The following PTBP2 variants were observed in gnomAD, a reference collection of about 807,000 sequenced individuals.
The protein encoded by PTBP2 is polypyrimidine tract-binding protein 2.
Under a neutral mutation model 61.4 loss-of-function variants are expected in PTBP2, and 13 were observed. That is an observed-to-expected ratio of 0.21 (90% confidence interval 0.14 to 0.34). PTBP2 has a LOEUF of 0.34. Among genes scored for constraint, PTBP2 ranks in the 10% least tolerant of loss-of-function variants. The pLI is 1.00. For synonymous variants in PTBP2, 215 were observed against 218.5 expected, an observed-to-expected ratio of 0.98 and a Z score of 0.14; for missense variants, 405 against 642.6, an observed-to-expected ratio of 0.63 and a Z score of 4.00.
At chr1:96,760,354 T>C (rs1458268533) in intron 3 of PTBP2, among the ~76,000 whole-genome samples, 1 of 150,924 alleles carries the variant, frequency 6.6e-6, no homozygotes, top group Non-Finnish European at 1.5e-5. Context: ...TAAAATTAAA[T>C]AGATTGGCAA....
At chr1:96,804,233 TAAG>T (rs1047316660) in intron 8 of PTBP2, among the ~76,000 whole-genome samples, 2 of 152,338 alleles carry the variant, frequency 1.3e-5, no homozygotes, top group East Asian at 3.9e-4. Context: ...AGTGTATAAT[TAAG>T]AAGGCAAGCA....
chr1:96,737,110 G>A lies in PTBP2; in HGVS notation c.39+13516G>A, dbSNP rs1652316067. On this transcript the variant is annotated intron_variant, in intron 2 of 13. Transcript: ENST00000674951. ...TTCTCCTGCCTCAGCCTCCCGAGTA[G>A]CTGGGACTACAGGCGCCTGCCACCA... 2.6e-5 allele frequency among the ~76,000 whole-genome samples: 4 copies of A among 152,030 alleles called. No individual in the cohort carries two copies. The South Asian group carries it at 8.3e-4, about 32-fold the overall frequency.
exon 14 of PTBP2, chr1:96,820,523 G>A (rs1230459175): frequency 6.6e-6 from 1 of 152,046 alleles, no homozygotes; most frequent in African/African-American, 2.4e-5. Context: ...TATATATGGT[G>A]TGCACACATG....
intron 3 of PTBP2, among the ~76,000 whole-genome samples, chr1:96,765,919 TA>T (rs934016677): frequency 1.7e-4 from 26 of 152,236 alleles, no homozygotes; most frequent in African/African-American, 6.3e-4. Flanking sequence ...TTGAAGTTTT[TA>T]GGGGTGCTAT....
At chr1:96,742,320 AACAGGGAT>A (rs1653144792) in intron 2 of PTBP2, among the ~76,000 whole-genome samples, 2 of 152,220 alleles carry the variant, frequency 1.3e-5, no homozygotes, top group African/African-American at 4.8e-5. Flanking sequence ...GGGATGAGGG[AACAGGGAT>A]ACTTGGACTA....
rs57451223 is a variant in PTBP2 at position 96,761,346 on chromosome 1, ATGTGTGTGTGTG to A, written c.116-8325_116-8314del. ...AGCAGGGGCCTAGATGTGGGATTTG[ATGTGTGTGTGTG>A]TGTGTGTGTGTGTGTGTGTGTGTGT... On this transcript the variant is annotated intron_variant, in intron 3 of 13. Coordinates refer to ENST00000674951, the MANE Select transcript of PTBP2 (RefSeq NM_021190.4). Among the ~76,000 whole-genome samples, 940 of 140,570 alleles carry A rather than the reference ATGTGTGTGTGTG, an allele frequency of 6.7e-3. 10 individuals carry two copies. Among genetic ancestry groups the A allele is most frequent in the African/African-American group, 0.017 (637 of 37,968 alleles). 92.2% of individuals were successfully genotyped at this position (140,570 alleles called of 152,430 possible).
chr1:96,748,285 C>T (rs1654102220), intron 2 of PTBP2, among the ~76,000 whole-genome samples: 1 of 152,140 alleles, frequency 6.6e-6, no homozygotes, highest in African/African-American at 2.4e-5. Flanking sequence ...GACCTGGCAG[C>T]TCTTCCACCT....
chr1:96,778,452 T>A (rs1658290202), intron 7 of PTBP2, among the ~76,000 whole-genome samples: 1 of 152,034 alleles, frequency 6.6e-6, no homozygotes, highest in South Asian at 2.1e-4. Context: ...ATCTTTTTTG[T>A]CATTGTTACA....
intron 8 of PTBP2, among the ~76,000 whole-genome samples, chr1:96,799,714 A>G (rs186562708): frequency 7.9e-5 from 12 of 152,212 alleles, no homozygotes; most frequent in Middle Eastern, 3.4e-3. Flanking sequence ...AACTTTCTCA[A>G]AGGGCCCTTG....
chr1:96,763,061 G>A lies in PTBP2; in HGVS notation c.116-6642G>A, dbSNP rs574135033. ...GCGCTCCTCACTTCCTAGATGGGATGGCGGCCGGGCAGAGACCTCCTTTCT... is the reference window on the plus strand; with the variant it reads ...GCGCTCCTCACTTCCTAGATGGGATAGCGGCCGGGCAGAGACCTCCTTTCT... On this transcript the variant is annotated intron_variant, in intron 3 of 13. Transcript: ENST00000674951. Among the ~76,000 whole-genome samples, 5 of 151,864 alleles carry A rather than the reference G, an allele frequency of 3.3e-5. No individual in the cohort carries two copies. In the South Asian group the frequency reaches 6.3e-4, roughly 19 times the overall value.
intron 3 of PTBP2, among the ~76,000 whole-genome samples, chr1:96,761,569 C>T (rs1024852291): frequency 1.3e-5 from 2 of 151,614 alleles, no homozygotes; most frequent in East Asian, 1.9e-4. Flanking sequence ...AATGATAAAA[C>T]GAGTTATCTG....
chr1:96,724,683 A>AG (rs1650136646), intron 2 of PTBP2, among the ~76,000 whole-genome samples: 1 of 73,012 alleles, frequency 1.4e-5, no homozygotes, highest in Non-Finnish European at 2.5e-5. Flanking sequence ...TAATGGGGGG[A>AG]GGGGGAAGGG....
chr1:96,766,506 T>G (rs17115720), intron 3 of PTBP2, among the ~76,000 whole-genome samples: 5,996 of 152,238 alleles, frequency 0.039, 382 homozygotes, highest in African/African-American at 0.13. Flanking sequence ...ATTGTAGAAC[T>G]GTAACACAGG....
chr1:96,790,061 T>C (rs1228799829), intron 8 of PTBP2, among the ~76,000 whole-genome samples: 1 of 152,136 alleles, frequency 6.6e-6, no homozygotes, highest in Non-Finnish European at 1.5e-5. Context: ...ATCTCATTAG[T>C]CTGTTTCAGT....
intron 3 of PTBP2, among the ~76,000 whole-genome samples, chr1:96,754,586 A>G (rs1450048283): frequency 1.3e-5 from 2 of 152,228 alleles, no homozygotes; most frequent in Non-Finnish European, 2.9e-5. Flanking sequence ...AAATTGGAGC[A>G]TTGACTACCA....
chr1:96,721,996 C>T (rs1240633418), intron 1 of PTBP2, 124 bp downstream of exon 1: 7 of 1,288,872 alleles, frequency 5.4e-6, no homozygotes, highest in Non-Finnish European at 7.6e-6. Context: ...CGTTACCCAA[C>T]CCCCGCCCCA....
At chr1:96,759,325 C>A (rs1191434103) in intron 3 of PTBP2, among the ~76,000 whole-genome samples, 1 of 152,128 alleles carries the variant, frequency 6.6e-6, no homozygotes, top group Non-Finnish European at 1.5e-5. Context: ...GTAAATTTTG[C>A]CACAGTTCTC....
At chr1:96,785,333 C>T in intron 8 of PTBP2, 79 bp downstream of exon 8, 1 of 1,122,844 alleles carries the variant, frequency 8.9e-7, no homozygotes, top group Non-Finnish European at 1.2e-6. Flanking sequence ...TGAATCCCCC[C>T]ATTTTGGACC....
intron 8 of PTBP2, among the ~76,000 whole-genome samples, chr1:96,785,643 G>T (rs1252982790): frequency 3.3e-5 from 5 of 152,086 alleles, no homozygotes; most frequent in Admixed American, 1.3e-4. Flanking sequence ...TGATCTGATT[G>T]TTTTAATTTA....
Sources: gnomAD v4.1 joint callset for allele counts (sites outside exome capture counted in the v4.1 genomes callset) on GRCh38, gnomAD v4.1.1 for gene constraint, MANE v1.5 for transcripts, NCBI Gene and HGNC (gene_info 2026-07-23, HGNC 2026-07-21) for gene names.